Variants in LAPTM4B observed in about 807,000 individuals in gnomAD.
LAPTM4B encodes the protein lysosomal-associated transmembrane protein 4B.
Under a neutral mutation model 28.5 loss-of-function variants are expected in LAPTM4B, and 26 were observed. That is an observed-to-expected ratio of 0.91 (90% CI 0.67 to 1.27). The LOEUF is 1.27. Ranked by LOEUF, LAPTM4B falls within the 50% of genes most tolerant of loss-of-function variation. The pLI is 0.00. For synonymous variants in LAPTM4B, 109 were observed against 106.4 expected, an observed-to-expected ratio of 1.02 and a Z score of -0.15; for missense variants, 288 against 285.8, an observed-to-expected ratio of 1.01 and a Z score of -0.06.
At chr8:97,822,445 T>G (rs1337982579) in intron 5 of LAPTM4B, among the ~76,000 whole-genome samples, 2 of 151,978 alleles carry the variant, frequency 1.3e-5, no homozygotes, top group Non-Finnish European at 2.9e-5. Context: ...CTTTTAAACA[T>G]TTTCACTTGT....
In LAPTM4B at chr8:97,852,704, G is replaced by A. The variant is rs1179368545; in HGVS notation, c.*1230G>A. On this transcript the variant is annotated 3_prime_UTR_variant, in exon 7 of 7. Transcript: ENST00000521545. ...GCCTAAGGAGTAGGCTTTTTTTTGG[G>A]GGGGGGAGGTCGGGTGGGGGGGATT... 18 of 174,868 alleles carry A rather than the reference G, an allele frequency of 1.0e-4. No homozygotes were observed. The highest frequency in any genetic ancestry group is 3.1e-4 in the African/African-American group (12 of 38,558). The allele number at this position is 174,868 out of a possible 1,614,324, so 10.8% of individuals were successfully genotyped here.
At chr8:97,792,381 G>A (rs2468015) in intron 1 of LAPTM4B, among the ~76,000 whole-genome samples, 151,784 of 152,146 alleles carry the variant, frequency 1, 75,721 homozygotes, top group Middle Eastern at 1. Flanking sequence ...CAGCTCCCCA[G>A]GCAGCTGGGA....
intron 5 of LAPTM4B, among the ~76,000 whole-genome samples, chr8:97,822,934 C>A (rs764403509): frequency 6.6e-6 from 1 of 151,908 alleles, no homozygotes; most frequent in Non-Finnish European, 1.5e-5. Context: ...CTCTGCTTCC[C>A]GGGTTCAAGC....
At chr8:97,827,979 G>A (rs2513960) in intron 6 of LAPTM4B, among the ~76,000 whole-genome samples, 71,434 of 151,836 alleles carry the variant, frequency 0.47, 17,064 homozygotes, top group East Asian at 0.57. Flanking sequence ...AAGCTAAGAC[G>A]GCAGCTAGCT....
In LAPTM4B at chr8:97,815,299, T is replaced by TA. The variant is rs751131339; in HGVS notation, c.212-26dup. The TA allele has an allele frequency of 1.4e-5, 22 of 1,577,222 alleles. No individual in the cohort carries two copies. The East Asian group carries it at 4.0e-4, about 29-fold the overall frequency. ...TGGATCCACTACTGATTGTCTTTTT[T>TA]AAAGAAATTCTTTTTAATCTTTCGG... On this transcript the variant is annotated intron_variant, in intron 2 of 6. Coordinates refer to ENST00000521545, the MANE Select transcript of LAPTM4B (RefSeq NM_018407.6).
intron 1 of LAPTM4B, among the ~76,000 whole-genome samples, chr8:97,804,667 C>T (rs868213177): frequency 6.6e-5 from 10 of 152,202 alleles, no homozygotes; most frequent in Admixed American, 3.3e-4. Flanking sequence ...TTATTAATAG[C>T]GAGGCCATTT....
intron 2 of LAPTM4B, 81 bp downstream of exon 2, chr8:97,805,545 CGT>C (rs1206115255): frequency 5.1e-6 from 4 of 791,622 alleles, no homozygotes; most frequent in Non-Finnish European, 8.9e-6. Context: ...AATATAGACT[CGT>C]GAGTTCATTT....
intron 6 of LAPTM4B, 48 bp from the exon 7 acceptor site, chr8:97,851,349 G>A (rs571546667): frequency 3.5e-6 from 5 of 1,415,752 alleles, no homozygotes; most frequent in African/African-American, 2.8e-5. Context: ...CTCGGGGAAC[G>A]TGTGTGCTCT....
rs1335916877 is a variant in LAPTM4B, at chr8:97,845,905, T to TCCCC, written c.604-5492_604-5491insCCCC. On this transcript the variant is annotated intron_variant, in intron 6 of 6. Transcript: ENST00000521545. ...TCCCCTCCCCTCCCCTCCCCTCCCC[T>TCCCC]TCCCTTCGACAGGGTCTTGCTCTGT... Among the ~76,000 whole-genome samples the TCCCC allele has an allele frequency of 3.4e-4, 18 of 53,336 alleles. 2 individuals carry two copies. Among genetic ancestry groups the TCCCC allele is most frequent in the South Asian group, 9.2e-4 (1 of 1,082 alleles). The allele number at this position is 53,336 out of a possible 152,430, so 35.0% of individuals were successfully genotyped here. A position where few individuals can be genotyped will look rare whatever the true frequency, so the allele number is the denominator to read the frequency against.
chr8:97,844,802 G>A (rs1419308872), intron 6 of LAPTM4B, among the ~76,000 whole-genome samples: 3 of 152,152 alleles, frequency 2.0e-5, no homozygotes, highest in Non-Finnish European at 4.4e-5. Context: ...TGGGAAGGCC[G>A]AAGGAATGGG....
chr8:97,816,202 C>A, intron 4 of LAPTM4B, 22 bp downstream of exon 4: 1 of 1,582,012 alleles, frequency 6.3e-7, no homozygotes, highest in South Asian at 1.2e-5. Context: ...TCTTACTGCT[C>A]CTTTTCATTA....
At chr8:97,817,443 TA>T (rs1214430573) in intron 4 of LAPTM4B, among the ~76,000 whole-genome samples, 22,945 of 127,918 alleles carry the variant, frequency 0.18, 2,418 homozygotes, top group Non-Finnish European at 0.26. Flanking sequence ...AGGCCAACTT[TA>T]CTTTTTTTTT....
At chr8:97,796,976 G>T (rs72671594) in intron 1 of LAPTM4B, among the ~76,000 whole-genome samples, 4 of 151,834 alleles carry the variant, frequency 2.6e-5, no homozygotes, top group Non-Finnish European at 4.4e-5. Context: ...ATAAAATAAA[G>T]AAATGGCCGG....
chr8:97,776,474 T>TA (rs1465458392), intron 1 of LAPTM4B, among the ~76,000 whole-genome samples: 1 of 152,244 alleles, frequency 6.6e-6, no homozygotes, highest in African/African-American at 2.4e-5. Context: ...CCTTTCTTCT[T>TA]AAAGCCCGTG....
rs367762888 is a variant in LAPTM4B, at chr8:97,819,125, C to A, written c.409-15C>A. 2.7e-6 allele frequency: 4 copies of A among 1,487,096 alleles called. No individual in the cohort carries two copies. The South Asian group carries it at 4.6e-5, about 17-fold the overall frequency. 92.1% of individuals were successfully genotyped at this position (1,487,096 alleles called of 1,614,324 possible). ...GATTAATGAGATTTGCTAATGAGGC[C>A]CTTTTCTTTTGCAGCCTCCTAATTT... On this transcript the variant is annotated splice_polypyrimidine_tract_variant and intron_variant, in intron 4 of 6. Transcript: ENST00000521545.
chr8:97,807,785 A>G (rs1008863483), intron 2 of LAPTM4B, among the ~76,000 whole-genome samples: 2 of 152,076 alleles, frequency 1.3e-5, no homozygotes, highest in Non-Finnish European at 2.9e-5. Context: ...TAGTGAAGTA[A>G]ACAGAGAACC....
chr8:97,779,320 A>G (rs935278838), intron 1 of LAPTM4B, among the ~76,000 whole-genome samples: 9 of 151,988 alleles, frequency 5.9e-5, no homozygotes, highest in Non-Finnish European at 1.5e-5. Context: ...GTAAAACCCC[A>G]TCTCTACTAA....
intron 1 of LAPTM4B, among the ~76,000 whole-genome samples, chr8:97,779,414 G>A (rs1816274570): frequency 6.6e-6 from 1 of 152,070 alleles, no homozygotes; most frequent in Non-Finnish European, 1.5e-5. Context: ...GAACCTGGGA[G>A]GCATAGGTTG....
chr8:97,830,085 G>T (rs1817156714), intron 6 of LAPTM4B, among the ~76,000 whole-genome samples: 1 of 152,206 alleles, frequency 6.6e-6, no homozygotes, highest in African/African-American at 2.4e-5. Flanking sequence ...AAGGAGATGG[G>T]GGAGGTTGCC....
Sources: allele counts gnomAD v4.1 joint callset (sites outside exome capture counted in the v4.1 genomes callset), GRCh38; gene constraint gnomAD v4.1.1; transcripts MANE v1.5; gene names NCBI Gene and HGNC (gene_info 2026-07-23, HGNC 2026-07-21).